The following KCNN3 variants were observed in gnomAD, a reference collection of about 807,000 sequenced individuals.
KCNN3 encodes the protein potassium calcium-activated channel subfamily N member 3.
Under a neutral mutation model 62.9 loss-of-function variants are expected in KCNN3, and 16 were observed. The observed-to-expected ratio is 0.25, with a 90% CI of 0.17 to 0.39. The LOEUF is 0.39. Ranked by LOEUF, KCNN3 falls within the 10% of genes least tolerant of loss-of-function variation. The probability of loss-of-function intolerance (pLI) is 1.00; values close to 1 mark genes in which losing one functional copy is unlikely to be tolerated. For missense variants in KCNN3, 599 were observed against 949.4 expected, an observed-to-expected ratio of 0.63 and a Z score of 4.85; for synonymous variants, 370 against 389.2, an observed-to-expected ratio of 0.95 and a Z score of 0.58.
At position 154,804,689 on chromosome 1, in the gene KCNN3, G is replaced by A. The variant is rs79534296; in HGVS notation, c.1029+17400C>T. ...AGAGTAGTAGCAATACTGGTAACAT[G>A]AGCAAATACATAGTCCTAATCCCTT... On this transcript the variant is annotated intron_variant, in intron 2 of 7. Transcript: ENST00000271915. Among the ~76,000 whole-genome samples the A allele has an allele frequency of 8.5e-3, 1,299 of 152,220 alleles. 12 individuals are homozygous for A. The highest frequency in any genetic ancestry group is 0.03 in the African/African-American group (1,252 of 41,506).
At chr1:154,714,612 G>GGTGTGTGT (rs200006853) in intron 6 of KCNN3, among the ~76,000 whole-genome samples, 296 of 24,848 alleles carry the variant, frequency 0.012, 14 homozygotes, top group Middle Eastern at 0.04. Flanking sequence ...TGTGGTGTGT[G>GGTGTGTGT]GTGTGTGTGT....
intron 2 of KCNN3, among the ~76,000 whole-genome samples, chr1:154,780,010 G>A (rs571088953): frequency 6.6e-6 from 1 of 152,172 alleles, no homozygotes; most frequent in Admixed American, 6.5e-5. Context: ...GACACCTCAG[G>A]ACAGGGCCGT....
At chr1:154,836,355 C>A (rs1003600994) in intron 1 of KCNN3, among the ~76,000 whole-genome samples, 3 of 152,312 alleles carry the variant, frequency 2.0e-5, no homozygotes, top group Non-Finnish European at 4.4e-5. Context: ...TCCTGCCCCC[C>A]GTCTATTTTG....
intron 1 of KCNN3, among the ~76,000 whole-genome samples, chr1:154,837,026 G>C (rs1279011712): frequency 6.6e-6 from 1 of 152,156 alleles, no homozygotes; most frequent in Admixed American, 6.5e-5. Flanking sequence ...CCAATTGTGG[G>C]GAGAACTCCA....
At chr1:154,709,932 CT>C (rs1393149093) in intron 7 of KCNN3, among the ~76,000 whole-genome samples, 1 of 152,222 alleles carries the variant, frequency 6.6e-6, no homozygotes, top group Non-Finnish European at 1.5e-5. Context: ...GGGATGGTCA[CT>C]TTGTTCCCTT....
At chr1:154,730,946 G>A (rs1217738881) in intron 4 of KCNN3, among the ~76,000 whole-genome samples, 4 of 152,164 alleles carry the variant, frequency 2.6e-5, no homozygotes, top group Admixed American at 6.5e-5. Context: ...CGCCTGTTCC[G>A]CTCAGCTGTG....
At chr1:154,732,292 G>A (rs901596578) in intron 4 of KCNN3, among the ~76,000 whole-genome samples, 10 of 152,342 alleles carry the variant, frequency 6.6e-5, no homozygotes, top group South Asian at 2.1e-4. Context: ...GTGTGCCTCC[G>A]CGAGAGTGTC....
At chr1:154,806,893 C>T (rs1397166515) in intron 2 of KCNN3, among the ~76,000 whole-genome samples, 1 of 152,128 alleles carries the variant, frequency 6.6e-6, no homozygotes, top group Non-Finnish European at 1.5e-5. Flanking sequence ...AGCAGCCATT[C>T]CCCACCAGGG....
chr1:154,717,595 A>G (rs1700257878), intron 5 of KCNN3, among the ~76,000 whole-genome samples: 1 of 151,220 alleles, frequency 6.6e-6, no homozygotes, highest in Admixed American at 6.6e-5. Flanking sequence ...TAGCAATGTG[A>G]CAGAACACGG....
At position 154,708,263 on chromosome 1, in the gene KCNN3, C is replaced by T; in HGVS notation, c.1909G>A (p.Val637Ile). 6.2e-7 allele frequency: 1 copy of T among 1,613,522 alleles called. No individual in the cohort carries two copies. Among genetic ancestry groups the T allele is most frequent in the Non-Finnish European group, 8.5e-7 (1 of 1,179,884 alleles). Residue 637 changes from valine (V) to isoleucine (I), a missense_variant, in exon 8 of 8, where the codon GTC becomes ATC. By Grantham distance (29) the Val-to-Ile change is conservative. This residue lies in a region of KCNN3 where 288 missense variants were observed against 557.4 expected (regional missense o/e 0.52). Transcript: ENST00000271915. Reference sequence around the variant, plus strand: ...AGTTCTGTGATTAAGTCATACATGACATTCTGCATCTGTGTGGAGAGAGAG... The same window carrying T: ...AGTTCTGTGATTAAGTCATACATGATATTCTGCATCTGTGTGGAGAGAGAG... The part of the protein sequence containing the change: ...TLVDLSKMQN[V>I]MYDLITELND...
intron 7 of KCNN3, among the ~76,000 whole-genome samples, chr1:154,712,723 G>A (rs991912857): frequency 2.0e-5 from 3 of 152,138 alleles, no homozygotes; most frequent in Non-Finnish European, 4.4e-5. Flanking sequence ...TGAGGAGGGG[G>A]AGGCCCTTTC....
intron 3 of KCNN3, among the ~76,000 whole-genome samples, chr1:154,761,850 T>G (rs1557962704): frequency 6.6e-6 from 1 of 150,696 alleles, no homozygotes; most frequent in South Asian, 2.1e-4. Flanking sequence ...TGAGGCAAGA[T>G]AATTGCTTGA....
chr1:154,749,380 T>C (rs1191251821), intron 3 of KCNN3, among the ~76,000 whole-genome samples: 1 of 152,184 alleles, frequency 6.6e-6, no homozygotes. Context: ...GCAAATGTTG[T>C]GGAAGGCACA....
chr1:154,849,016 C>T (rs1019152358), intron 1 of KCNN3, among the ~76,000 whole-genome samples: 4 of 152,176 alleles, frequency 2.6e-5, no homozygotes, highest in African/African-American at 9.7e-5. Flanking sequence ...CAGACCTTTC[C>T]CCGACAGCAA....
chr1:154,716,638 G>A (rs957212034), intron 5 of KCNN3, among the ~76,000 whole-genome samples: 1 of 152,230 alleles, frequency 6.6e-6, no homozygotes, highest in Admixed American at 6.5e-5. Flanking sequence ...ATGTCTAAGG[G>A]ACATAAATAT....
intron 2 of KCNN3, among the ~76,000 whole-genome samples, chr1:154,815,832 G>A (rs76943252): frequency 2.6e-5 from 4 of 152,294 alleles, no homozygotes; most frequent in East Asian, 1.9e-4. Context: ...AGAGCAAGAC[G>A]CAACGTGAGT....
At chr1:154,764,760 T>C (rs7553671) in intron 3 of KCNN3, among the ~76,000 whole-genome samples, 33,040 of 152,154 alleles carry the variant, frequency 0.22, 3,691 homozygotes, top group South Asian at 0.27. Flanking sequence ...CTACTTTTTC[T>C]TTGACATTAG....
At chr1:154,819,333 AAG>A (rs1316135215) in intron 2 of KCNN3, among the ~76,000 whole-genome samples, 2 of 152,200 alleles carry the variant, frequency 1.3e-5, no homozygotes, top group Non-Finnish European at 2.9e-5. Flanking sequence ...AGCTTTGGAA[AAG>A]AGTTACCTTG....
chr1:154,797,414 T>C (rs991061694), intron 2 of KCNN3, among the ~76,000 whole-genome samples: 3 of 152,274 alleles, frequency 2.0e-5, no homozygotes, highest in East Asian at 1.9e-4. Context: ...CTGTAGTACA[T>C]AGCGAAAGGA....
Sources: allele counts gnomAD v4.1 joint callset (sites outside exome capture counted in the v4.1 genomes callset), GRCh38; gene constraint gnomAD v4.1.1; regional missense constraint gnomAD v4.1.1; transcripts MANE v1.5; gene names NCBI Gene and HGNC (gene_info 2026-07-23, HGNC 2026-07-21).